CYRIA: variants seen among roughly 807,000 people sequenced by gnomAD.
CYRIA encodes CYFIP-related Rac1 interactor A.
A neutral mutation model predicts 43.9 loss-of-function variants in CYRIA; 15 were observed. The ratio of observed to expected loss-of-function variants is 0.34; its 90% CI spans 0.23 to 0.53. The LOEUF is 0.53. Among genes scored for constraint, CYRIA ranks in the 20% least tolerant of loss-of-function variants. CYRIA has a pLI of 0.94. For missense variants in CYRIA, 236 were observed against 394.2 expected (o/e 0.60, Z 3.40); for synonymous variants, 117 against 136.0 (o/e 0.86, Z 0.97).
At chr2:16,589,675 AG>A (rs1476539382) in intron 2 of CYRIA, among the ~76,000 whole-genome samples, 1 of 152,136 alleles carries the variant, frequency 6.6e-6, no homozygotes, top group Non-Finnish European at 1.5e-5. Flanking sequence ...CAGCACTTAC[AG>A]GAAGTGCTCA....
At chr2:16,558,525 T>G (rs1666610328) in intron 10 of CYRIA, among the ~76,000 whole-genome samples, 1 of 152,168 alleles carries the variant, frequency 6.6e-6, no homozygotes, top group Non-Finnish European at 1.5e-5. Flanking sequence ...TATTCTGCAC[T>G]TTAAAGGCTT....
chr2:16,629,299 C>T (rs1007625172), intron 1 of CYRIA, among the ~76,000 whole-genome samples: 1 of 152,210 alleles, frequency 6.6e-6, no homozygotes, highest in Non-Finnish European at 1.5e-5. Context: ...TCCCTTTTCC[C>T]CTGACTGGGC....
At chr2:16,631,687 A>G (rs1197058459) in intron 1 of CYRIA, among the ~76,000 whole-genome samples, 2 of 152,248 alleles carry the variant, frequency 1.3e-5, no homozygotes, top group African/African-American at 4.8e-5. Flanking sequence ...CCAGTGCAGT[A>G]TTTAGTATCT....
At chr2:16,557,462 G>T (rs1035504967) in intron 10 of CYRIA, among the ~76,000 whole-genome samples, 3 of 152,060 alleles carry the variant, frequency 2.0e-5, no homozygotes, top group African/African-American at 7.2e-5. Context: ...TGATGCTGAT[G>T]CCCTAATGAT....
intron 11 of CYRIA, among the ~76,000 whole-genome samples, chr2:16,553,847 G>A (rs1254006075): frequency 6.6e-6 from 1 of 152,074 alleles, no homozygotes; most frequent in East Asian, 1.9e-4. Flanking sequence ...AATGATGCTG[G>A]AAAGCTCAAC....
intron 2 of CYRIA, among the ~76,000 whole-genome samples, chr2:16,616,944 C>T (rs994526216): frequency 6.6e-6 from 1 of 152,222 alleles, no homozygotes; most frequent in Admixed American, 6.5e-5. Flanking sequence ...TTAACTGCAG[C>T]ACTACAAAGG....
At chr2:16,652,713 A>G (rs1242578162) in intron 1 of CYRIA, among the ~76,000 whole-genome samples, 4 of 152,158 alleles carry the variant, frequency 2.6e-5, no homozygotes, top group Non-Finnish European at 5.9e-5. Flanking sequence ...TCCCTGTTCC[A>G]GCCTTCGGTC....
intron 3 of CYRIA, among the ~76,000 whole-genome samples, chr2:16,570,120 C>T (rs539859176): frequency 6.6e-5 from 10 of 152,150 alleles, no homozygotes; most frequent in East Asian, 1.9e-4. Context: ...GGTCCTATTA[C>T]GTTTAGATCC....
intron 2 of CYRIA, among the ~76,000 whole-genome samples, chr2:16,605,903 G>T (rs1668381123): frequency 6.6e-6 from 1 of 152,060 alleles, no homozygotes; most frequent in African/African-American, 2.4e-5. Context: ...AGATACTTGG[G>T]ACCCATCTCC....
At position 16,563,912 on chromosome 2, in the gene CYRIA, C is replaced by T. The variant is rs999175270; in HGVS notation, c.298+77G>A. On this transcript the variant is annotated intron_variant, in intron 5 of 11. Transcript: ENST00000381323. ...ATGTGGGACATTTTCCAATATGCCA[C>T]GCTGTTCCCACTACCTACTCAAACA... 5.3e-5 allele frequency: 55 copies of T among 1,031,266 alleles called. 1 individual carries two copies. Among genetic ancestry groups the T allele is most frequent in the Middle Eastern group, 2.1e-4 (1 of 4,864 alleles). 63.9% of individuals were successfully genotyped at this position (1,031,266 alleles called of 1,614,324 possible). A position where few individuals can be genotyped will look rare whatever the true frequency, so the allele number is the denominator to read the frequency against.
At chr2:16,587,954 T>C (rs950420882) in intron 3 of CYRIA, 96 bp downstream of exon 3, 3 of 769,852 alleles carry the variant, frequency 3.9e-6, no homozygotes, top group Non-Finnish European at 4.2e-6. Context: ...TTGGATTTGA[T>C]TCAACTATGA....
At position 16,565,628 on chromosome 2, in the gene CYRIA, G is replaced by T; in HGVS notation, c.192+18C>A. ...CCCCTCCTCGGGTGTTGTCAGTTCAGCGTGATCATTGACATACATCTCGGA... is the reference window on the plus strand; with the variant it reads ...CCCCTCCTCGGGTGTTGTCAGTTCATCGTGATCATTGACATACATCTCGGA... On this transcript the variant is annotated intron_variant, in intron 4 of 11. Coordinates refer to ENST00000381323, the MANE Select transcript of CYRIA (RefSeq NM_030797.4). The T allele has an allele frequency of 1.9e-6, 3 of 1,547,886 alleles. No homozygotes were observed. Among genetic ancestry groups the T allele is most frequent in the Non-Finnish European group, 2.6e-6 (3 of 1,133,848 alleles).
At chr2:16,656,138 A>G (rs1178794448) in intron 1 of CYRIA, among the ~76,000 whole-genome samples, 1 of 152,044 alleles carries the variant, frequency 6.6e-6, no homozygotes, top group Non-Finnish European at 1.5e-5. Flanking sequence ...AATGAAAAGG[A>G]TTCCCCCAAT....
intron 11 of CYRIA, among the ~76,000 whole-genome samples, chr2:16,554,627 A>T (rs1429225156): frequency 6.6e-6 from 1 of 152,198 alleles, no homozygotes; most frequent in Non-Finnish European, 1.5e-5. Context: ...CTTGAGTCAC[A>T]TGCAGTCAGA....
intron 2 of CYRIA, among the ~76,000 whole-genome samples, chr2:16,609,809 C>T (rs1668529978): frequency 6.6e-6 from 1 of 151,886 alleles, no homozygotes; most frequent in South Asian, 2.1e-4. Context: ...CTCCATATTA[C>T]AGGGGAAAAG....
intron 3 of CYRIA, among the ~76,000 whole-genome samples, chr2:16,581,481 G>C (rs948244245): frequency 6.6e-6 from 1 of 152,018 alleles, no homozygotes; most frequent in Non-Finnish European, 1.5e-5. Flanking sequence ...ACTTGGAGTT[G>C]CTTAGTTATT....
intron 1 of CYRIA, among the ~76,000 whole-genome samples, chr2:16,663,034 C>CA (rs1670304345): frequency 1.3e-5 from 2 of 152,200 alleles, no homozygotes; most frequent in African/African-American, 4.8e-5. Context: ...CAAGGCTGGG[C>CA]AAAATGCCCC....
Position 16,572,025 on chromosome 2 carries a change from T to C in CYRIA, c.71-6258A>G, listed in dbSNP as rs191039112. Among the ~76,000 whole-genome samples the C allele has an allele frequency of 1.2e-3, 177 of 152,310 alleles. 1 individual carries two copies. Among genetic ancestry groups the C allele is most frequent in the Admixed American group, 3.3e-3 (50 of 15,292 alleles). On this transcript the variant is annotated intron_variant, in intron 3 of 11. Transcript: ENST00000381323. ...CACCAGGGCCCGAAGCCCTTTTCTA[T>C]AGAACAATCACATTAGGACTGAAAA...
At position 16,561,195 on chromosome 2, in the gene CYRIA, G is replaced by A. The variant is rs763925381; in HGVS notation, c.596C>T (p.Thr199Ile). 5 of 1,613,704 alleles carry A rather than the reference G, an allele frequency of 3.1e-6. No individual in the cohort carries two copies. Residue 199 changes from threonine (T) to isoleucine (I), a missense_variant, in exon 8 of 12, where the codon ACC becomes ATC. By Grantham distance (89) the Thr-to-Ile change is moderately conservative. Around this residue, in one of 3 missense-constraint regions of CYRIA, gnomAD observed 193 missense variants for 303.9 expected, o/e 0.64. Coordinates refer to ENST00000381323, the MANE Select transcript of CYRIA (RefSeq NM_030797.4). ...AAAGTGCATTGTGGCATTGCTAAGG[G>A]TTTTCAGCATTGGCGTGGCTTCTGC... ...FYAEATPMLK[T>I]LSNATMHFVS...
Sources: allele counts gnomAD v4.1 joint callset (sites outside exome capture counted in the v4.1 genomes callset), GRCh38; gene constraint gnomAD v4.1.1; regional missense constraint gnomAD v4.1.1; transcripts MANE v1.5; gene names NCBI Gene and HGNC (gene_info 2026-07-23, HGNC 2026-07-21).